The following HCRTR2 variants were observed in gnomAD, a reference collection of about 807,000 sequenced individuals.
HCRTR2 encodes the protein hypocretin receptor 2.
Under a neutral mutation model 49.0 loss-of-function variants are expected in HCRTR2, and 22 were observed. The ratio of observed to expected loss-of-function variants is 0.45; its 90% confidence interval spans 0.32 to 0.64. The LOEUF (loss-of-function observed/expected upper bound fraction) is 0.64. Among genes scored for constraint, HCRTR2 ranks in the 30% least tolerant of loss-of-function variants. The probability of loss-of-function intolerance (pLI) is 0.04; values close to 1 mark genes in which losing one functional copy is unlikely to be tolerated. For synonymous variants in HCRTR2, 236 were observed against 205.3 expected, an observed-to-expected ratio of 1.15 and a Z score of -1.28; for missense variants, 491 against 559.4, an observed-to-expected ratio of 0.88 and a Z score of 1.23.
rs907437788 is a variant in HCRTR2 at position 55,262,596 on chromosome 6, TA to T, written c.647-1109del. Among the ~76,000 whole-genome samples, 32 of 136,140 alleles carry T rather than the reference TA, an allele frequency of 2.4e-4. No individual in the cohort carries two copies. The Admixed American group carries it at 2.4e-3, about 10-fold the overall frequency. 89.3% of individuals were successfully genotyped at this position (136,140 alleles called of 152,430 possible). On this transcript the variant is annotated intron_variant, in intron 3 of 6. Coordinates refer to ENST00000370862, the MANE Select transcript of HCRTR2 (RefSeq NM_001384272.1). ...TATATAAATAAAATATGTACTATATTAATATATGAATATATCTAATATTAAT... is the reference window on the plus strand; with the variant it reads ...TATATAAATAAAATATGTACTATATTATATATGAATATATCTAATATTAAT...
chr6:55,208,484 T>G (rs1182960686), intron 1 of HCRTR2, among the ~76,000 whole-genome samples: 1 of 150,964 alleles, frequency 6.6e-6, no homozygotes, highest in Admixed American at 6.6e-5. Flanking sequence ...AGAGCGAGAC[T>G]CCACCTCAAA....
At chr6:55,212,353 A>T (rs1237272548) in intron 1 of HCRTR2, among the ~76,000 whole-genome samples, 1 of 152,170 alleles carries the variant, frequency 6.6e-6, no homozygotes, top group Non-Finnish European at 1.5e-5. Context: ...AACTTTGTTC[A>T]AGTAGTAACA....
At chr6:55,133,128 T>C (rs933915219) in intron 1 of HCRTR2, among the ~76,000 whole-genome samples, 5 of 151,878 alleles carry the variant, frequency 3.3e-5, no homozygotes, top group East Asian at 1.9e-4. Context: ...TATGTTTGTG[T>C]TGAATACAAA....
intron 1 of HCRTR2, among the ~76,000 whole-genome samples, chr6:55,141,030 A>G (rs1472617592): frequency 6.6e-6 from 1 of 152,028 alleles, no homozygotes; most frequent in Non-Finnish European, 1.5e-5. Flanking sequence ...GTGACAGACA[A>G]TGTCCTAGAA....
intron 1 of HCRTR2, among the ~76,000 whole-genome samples, chr6:55,132,190 A>T (rs1330402021): frequency 6.6e-6 from 1 of 151,902 alleles, no homozygotes; most frequent in Non-Finnish European, 1.5e-5. Context: ...ACACATACAT[A>T]TATATGATTT....
chr6:55,232,576 T>TA (rs1232917798), intron 1 of HCRTR2, among the ~76,000 whole-genome samples: 1 of 152,238 alleles, frequency 6.6e-6, no homozygotes, highest in Non-Finnish European at 1.5e-5. Flanking sequence ...AAATACAGAT[T>TA]AACTTTTCAG....
intron 1 of HCRTR2, among the ~76,000 whole-genome samples, chr6:55,225,847 G>A (rs1206521095): frequency 6.6e-6 from 1 of 152,094 alleles, no homozygotes; most frequent in South Asian, 2.1e-4. Flanking sequence ...TAAATGCCTG[G>A]CACATTCTTC....
rs1186865146 is a variant in HCRTR2, at chr6:55,264,446, AC to A, written c.762+625del. 2.6e-5 allele frequency among the ~76,000 whole-genome samples: 4 copies of A among 152,258 alleles called. No individual in the cohort carries two copies. In the East Asian group the frequency reaches 5.8e-4, roughly 22 times the overall value. ...TTCATTCCTGAAATACATATCATGA[AC>A]TTTTCACATACATGTCTCACACAAA... On this transcript the variant is annotated intron_variant, in intron 4 of 6. Coordinates refer to ENST00000370862, the MANE Select transcript of HCRTR2 (RefSeq NM_001384272.1).
chr6:55,129,951 A>G (rs550014254), intron 1 of HCRTR2, among the ~76,000 whole-genome samples: 1 of 152,052 alleles, frequency 6.6e-6, no homozygotes, highest in East Asian at 1.9e-4. Flanking sequence ...GTATTTAGTA[A>G]TGCTAACCCA....
chr6:55,152,221 T>G (rs11751312), intron 1 of HCRTR2, among the ~76,000 whole-genome samples: 22,052 of 151,992 alleles, frequency 0.15, 2,118 homozygotes, highest in Non-Finnish European at 0.21. Flanking sequence ...TTTCTCTACC[T>G]CCTTGCTAAT....
chr6:55,248,274 T>C (rs1484605795), intron 1 of HCRTR2, among the ~76,000 whole-genome samples: 1 of 152,144 alleles, frequency 6.6e-6, no homozygotes, highest in Non-Finnish European at 1.5e-5. Context: ...TAAAAATTGT[T>C]AGTTCTTAAT....
intron 1 of HCRTR2, among the ~76,000 whole-genome samples, chr6:55,144,857 G>T (rs1764557825): frequency 6.6e-6 from 1 of 152,094 alleles, no homozygotes; most frequent in African/African-American, 2.4e-5. Context: ...GTGAGCTCTG[G>T]ATTAATATAT....
intron 1 of HCRTR2, among the ~76,000 whole-genome samples, chr6:55,144,142 C>T (rs1330541990): frequency 1.9e-5 from 2 of 105,040 alleles, no homozygotes; most frequent in Admixed American, 2.4e-4. Context: ...GACGGAGTTT[C>T]GCTGTTGTTG....
chr6:55,191,124 T>C (rs1039820673), intron 1 of HCRTR2, among the ~76,000 whole-genome samples: 2 of 152,208 alleles, frequency 1.3e-5, no homozygotes, highest in East Asian at 1.9e-4. Context: ...GGAGCAAAGA[T>C]GTGGGAACCC....
At chr6:55,228,382 C>T (rs1257872552) in intron 1 of HCRTR2, among the ~76,000 whole-genome samples, 2 of 151,986 alleles carry the variant, frequency 1.3e-5, no homozygotes, top group Non-Finnish European at 2.9e-5. Flanking sequence ...GATTTGAATA[C>T]CTTAAAGCTG....
At chr6:55,226,714 T>G (rs1231038123) in intron 1 of HCRTR2, among the ~76,000 whole-genome samples, 2 of 101,686 alleles carry the variant, frequency 2.0e-5, no homozygotes, top group Non-Finnish European at 4.2e-5. Context: ...TCCAGGTGTT[T>G]TTTTTTTTTT....
At chr6:55,209,783 A>C in intron 1 of HCRTR2, among the ~76,000 whole-genome samples, 1 of 151,840 alleles carries the variant, frequency 6.6e-6, no homozygotes, top group East Asian at 1.9e-4. Context: ...TTTTTTCATT[A>C]ACTTGCAATT....
intron 1 of HCRTR2, among the ~76,000 whole-genome samples, chr6:55,196,341 A>G (rs1329645413): frequency 1.3e-5 from 2 of 152,230 alleles, no homozygotes; most frequent in Non-Finnish European, 2.9e-5. Context: ...AATTTGATGC[A>G]CAAGGAAGTA....
intron 1 of HCRTR2, among the ~76,000 whole-genome samples, chr6:55,244,581 T>G (rs1766395590): frequency 6.6e-6 from 1 of 152,016 alleles, no homozygotes; most frequent in Non-Finnish European, 1.5e-5. Flanking sequence ...AGTGATAAGT[T>G]TAAGTTGTAT....
Sources: gnomAD v4.1 joint callset for allele counts (sites outside exome capture counted in the v4.1 genomes callset) on GRCh38, gnomAD v4.1.1 for gene constraint, MANE v1.5 for transcripts, NCBI Gene and HGNC (gene_info 2026-07-23, HGNC 2026-07-21) for gene names.